Variants in KCNQ3 observed in about 807,000 individuals in gnomAD.
KCNQ3 encodes the protein potassium voltage-gated channel subfamily KQT member 3.
A neutral mutation model predicts 92.5 loss-of-function variants in KCNQ3; 30 were observed. That is an observed-to-expected ratio of 0.32 (90% CI 0.24 to 0.44). The LOEUF (loss-of-function observed/expected upper bound fraction) is 0.44. KCNQ3 is among the 20% of genes least tolerant of loss of function. The pLI is 1.00. For missense variants in KCNQ3, 913 were observed against 1,140.3 expected (o/e 0.80, Z 2.87); for synonymous variants, 450 against 468.8 (o/e 0.96, Z 0.52).
intron 1 of KCNQ3, among the ~76,000 whole-genome samples, chr8:132,380,268 G>A (rs1178796604): frequency 6.6e-6 from 1 of 152,154 alleles, no homozygotes; most frequent in Non-Finnish European, 1.5e-5. Flanking sequence ...CCAGGCCAGT[G>A]AAGACCAAAG....
chr8:132,313,281 G>A (rs897447767), intron 1 of KCNQ3, among the ~76,000 whole-genome samples: 2 of 152,172 alleles, frequency 1.3e-5, no homozygotes, highest in African/African-American at 4.8e-5. Flanking sequence ...AACAGAAAAG[G>A]CTTTTGTTTT....
intron 1 of KCNQ3, among the ~76,000 whole-genome samples, chr8:132,466,274 T>G (rs1383518516): frequency 6.6e-6 from 1 of 151,800 alleles, no homozygotes; most frequent in African/African-American, 2.4e-5. Flanking sequence ...GCTTCAAGAC[T>G]TCCTTTACTT....
At chr8:132,320,421 G>A (rs1195251213) in intron 1 of KCNQ3, among the ~76,000 whole-genome samples, 5 of 152,066 alleles carry the variant, frequency 3.3e-5, no homozygotes, top group East Asian at 1.9e-4. Flanking sequence ...CTGTTTTGCC[G>A]ATGAAGCAAC....
chr8:132,208,558 CT>C (rs146921846), intron 1 of KCNQ3, among the ~76,000 whole-genome samples: 3,705 of 152,090 alleles, frequency 0.024, 128 homozygotes, highest in African/African-American at 0.084. Context: ...CTAGGAGAGC[CT>C]TGAGAAAGTA....
intron 1 of KCNQ3, among the ~76,000 whole-genome samples, chr8:132,472,292 G>A (rs948487589): frequency 1.3e-5 from 2 of 152,072 alleles, no homozygotes; most frequent in African/African-American, 2.4e-5. Flanking sequence ...TCAATGTATC[G>A]AAGAAATACC....
intron 1 of KCNQ3, among the ~76,000 whole-genome samples, chr8:132,316,334 C>T (rs2130623839): frequency 6.6e-6 from 1 of 152,270 alleles, no homozygotes; most frequent in African/African-American, 2.4e-5. Context: ...AATTACTCAC[C>T]ACCTCACAGA....
intron 1 of KCNQ3, among the ~76,000 whole-genome samples, chr8:132,279,691 CAT>C (rs1310196290): frequency 4.3e-4 from 66 of 152,328 alleles, no homozygotes; most frequent in African/African-American, 1.5e-3. Context: ...TATGTATACA[CAT>C]GATTGTATGT....
intron 1 of KCNQ3, among the ~76,000 whole-genome samples, chr8:132,280,552 C>T (rs935500447): frequency 4.6e-5 from 7 of 152,210 alleles, no homozygotes; most frequent in African/African-American, 1.2e-4. Flanking sequence ...CTCCATGACC[C>T]GAACACCTCC....
chr8:132,478,472 T>C (rs77687990), intron 1 of KCNQ3, among the ~76,000 whole-genome samples: 10,743 of 152,282 alleles, frequency 0.071, 395 homozygotes, highest in Middle Eastern at 0.092. Context: ...CTATCACATA[T>C]TTCAGTATTC....
chr8:132,288,356 G>T (rs1215440116), intron 1 of KCNQ3, among the ~76,000 whole-genome samples: 1 of 152,112 alleles, frequency 6.6e-6, no homozygotes, highest in Admixed American at 6.6e-5. Flanking sequence ...ACACTATGAG[G>T]CATCTCATAA....
intron 1 of KCNQ3, among the ~76,000 whole-genome samples, chr8:132,468,370 A>G (rs1822228445): frequency 6.6e-6 from 1 of 152,220 alleles, no homozygotes; most frequent in African/African-American, 2.4e-5. Context: ...CTTGTTGGAT[A>G]AGATTTCACT....
At chr8:132,434,076 C>T (rs1357060928) in intron 1 of KCNQ3, among the ~76,000 whole-genome samples, 3 of 149,690 alleles carry the variant, frequency 2.0e-5, no homozygotes, top group South Asian at 2.1e-4. Context: ...GGCGTAGTGG[C>T]GGGCGCCTGT....
At chr8:132,291,953 C>T (rs972640282) in intron 1 of KCNQ3, among the ~76,000 whole-genome samples, 5 of 152,178 alleles carry the variant, frequency 3.3e-5, no homozygotes, top group African/African-American at 1.2e-4. Context: ...CAGGAGCTCT[C>T]CATAAGGAGA....
intron 1 of KCNQ3, among the ~76,000 whole-genome samples, chr8:132,344,714 C>T (rs1818629981): frequency 1.3e-5 from 2 of 152,066 alleles, no homozygotes; most frequent in South Asian, 2.1e-4. Context: ...GCTACAGGTT[C>T]AGGGTATAGA....
rs1359849523 is a variant in KCNQ3, at chr8:132,299,532, T to C, written c.387-113351A>G. On this transcript the variant is annotated intron_variant, in intron 1 of 14. Coordinates refer to ENST00000388996, the MANE Select transcript of KCNQ3 (RefSeq NM_004519.4). ...TGTGCCTGGCAACATTCATGGCAAA[T>C]TCTGATGGACCAGACCAAGGGAATA... Among the ~76,000 whole-genome samples, 3 of 152,250 alleles carry C rather than the reference T, an allele frequency of 2.0e-5. 1 individual carries two copies. The highest frequency in any genetic ancestry group is 7.2e-5 in the African/African-American group (3 of 41,534).
intron 1 of KCNQ3, among the ~76,000 whole-genome samples, chr8:132,234,030 G>A (rs1433453326): frequency 6.6e-6 from 1 of 152,176 alleles, no homozygotes; most frequent in Non-Finnish European, 1.5e-5. Context: ...ATTATGCTGG[G>A]GCAGTAGGCG....
At chr8:132,191,749 C>G (rs10956648) in intron 1 of KCNQ3, among the ~76,000 whole-genome samples, 43,439 of 151,480 alleles carry the variant, frequency 0.29, 7,253 homozygotes, top group Middle Eastern at 0.4. Flanking sequence ...CATGAGCTGA[C>G]CAGAGAGGAG....
intron 1 of KCNQ3, among the ~76,000 whole-genome samples, chr8:132,466,388 C>T (rs1822172989): frequency 6.6e-6 from 1 of 152,000 alleles, no homozygotes; most frequent in Non-Finnish European, 1.5e-5. Context: ...TGGCGCCCTT[C>T]CCATACCTCC....
intron 1 of KCNQ3, among the ~76,000 whole-genome samples, chr8:132,210,644 C>T (rs554097179): frequency 2.0e-5 from 3 of 152,250 alleles, no homozygotes; most frequent in African/African-American, 4.8e-5. Flanking sequence ...ATCAGAGGTT[C>T]GACTGGGGAA....
Sources: allele counts gnomAD v4.1 joint callset (sites outside exome capture counted in the v4.1 genomes callset), GRCh38; gene constraint gnomAD v4.1.1; transcripts MANE v1.5; gene names NCBI Gene and HGNC (gene_info 2026-07-23, HGNC 2026-07-21).